Variants in CNTNAP2 observed in about 807,000 individuals in gnomAD.
CNTNAP2 encodes the protein contactin-associated protein-like 2.
CNTNAP2 carries 98 observed loss-of-function variants against 155.2 expected under a neutral mutation model. The ratio of observed to expected loss-of-function variants is 0.63; its 90% confidence interval spans 0.54 to 0.75. The LOEUF is 0.75. Ranked by LOEUF, CNTNAP2 falls within the 30% of genes least tolerant of loss-of-function variation. CNTNAP2 has a pLI of 0.00. For missense variants in CNTNAP2, 1,727 were observed against 1,688.1 expected (o/e 1.02, Z -0.40); for synonymous variants, 651 against 631.2 (o/e 1.03, Z -0.47).
At chr7:147,254,234 G>C (rs1489141340) in intron 8 of CNTNAP2, among the ~76,000 whole-genome samples, 1 of 152,104 alleles carries the variant, frequency 6.6e-6, no homozygotes, top group Admixed American at 6.5e-5. Flanking sequence ...ATCACCAGAA[G>C]GTCATTCTTG....
intron 8 of CNTNAP2, among the ~76,000 whole-genome samples, chr7:147,210,483 A>G (rs960024997): frequency 6.6e-6 from 1 of 151,704 alleles, no homozygotes; most frequent in Admixed American, 6.6e-5. Flanking sequence ...ATCTTCTCTC[A>G]GATTTTCATT....
At chr7:147,469,033 G>T (rs2116604003) in intron 10 of CNTNAP2, among the ~76,000 whole-genome samples, 1 of 152,208 alleles carries the variant, frequency 6.6e-6, no homozygotes, top group Middle Eastern at 3.4e-3. Flanking sequence ...ATGTTGGACA[G>T]ATTGGTCTTG....
At chr7:147,725,877 A>G (rs1335502325) in intron 13 of CNTNAP2, among the ~76,000 whole-genome samples, 1 of 152,006 alleles carries the variant, frequency 6.6e-6, no homozygotes, top group Non-Finnish European at 1.5e-5. Context: ...AGGAACTAGG[A>G]GGAGGTGGCT....
intron 1 of CNTNAP2, among the ~76,000 whole-genome samples, chr7:146,402,515 A>G (rs1222097933): frequency 3.3e-5 from 5 of 152,268 alleles, no homozygotes; most frequent in African/African-American, 1.2e-4. Context: ...AGACGAACTT[A>G]TGTTACAAAA....
chr7:146,773,853 G>T (rs1802340418), intron 1 of CNTNAP2, among the ~76,000 whole-genome samples: 1 of 152,138 alleles, frequency 6.6e-6, no homozygotes, highest in East Asian at 1.9e-4. Context: ...CCATTTCTTG[G>T]TCTTTTGGCT....
At chr7:146,259,627 T>C (rs1799890458) in intron 1 of CNTNAP2, among the ~76,000 whole-genome samples, 1 of 152,154 alleles carries the variant, frequency 6.6e-6, no homozygotes, top group Non-Finnish European at 1.5e-5. Flanking sequence ...TTAGGGTATC[T>C]GGTGGAAGAA....
intron 1 of CNTNAP2, among the ~76,000 whole-genome samples, chr7:146,425,163 T>A (rs188619543): frequency 2.0e-5 from 3 of 152,322 alleles, no homozygotes; most frequent in South Asian, 4.1e-4. Flanking sequence ...ATGATGTTTT[T>A]AATTTACCTT....
At chr7:147,304,523 A>G (rs1794993823) in intron 9 of CNTNAP2, among the ~76,000 whole-genome samples, 1 of 152,146 alleles carries the variant, frequency 6.6e-6, no homozygotes, top group Admixed American at 6.5e-5. Context: ...TTATCATTAA[A>G]AGAAAAAGGA....
chr7:147,177,065 A>G (rs1052962885), intron 8 of CNTNAP2, among the ~76,000 whole-genome samples: 2 of 147,240 alleles, frequency 1.4e-5, no homozygotes, highest in Non-Finnish European at 3.0e-5. Context: ...TGTATAATAC[A>G]TACACACGTA....
chr7:147,919,459 C>CTTTT (rs796710849), intron 14 of CNTNAP2, among the ~76,000 whole-genome samples: 1 of 51,240 alleles, frequency 2.0e-5, no homozygotes, highest in Non-Finnish European at 3.3e-5. Context: ...CTTTTTCTTT[C>CTTTT]TTTTTTTTTT....
intron 3 of CNTNAP2, among the ~76,000 whole-genome samples, chr7:146,906,814 C>T (rs1468379364): frequency 3.3e-5 from 5 of 151,196 alleles, no homozygotes; most frequent in East Asian, 3.9e-4. Context: ...ATGACTTTGA[C>T]GAGCTGAGAG....
At chr7:147,205,879 C>T (rs565400125) in intron 8 of CNTNAP2, among the ~76,000 whole-genome samples, 30 of 151,936 alleles carry the variant, frequency 2.0e-4, no homozygotes, top group African/African-American at 6.0e-4. Flanking sequence ...TTTCAAAGTA[C>T]CTAAAAGAGT....
chr7:147,300,995 A>G (rs1338421912), intron 9 of CNTNAP2, among the ~76,000 whole-genome samples: 1 of 152,124 alleles, frequency 6.6e-6, no homozygotes, highest in African/African-American at 2.4e-5. Flanking sequence ...ATATAATCCA[A>G]TTTAGCAGTG....
intron 1 of CNTNAP2, among the ~76,000 whole-genome samples, chr7:146,319,185 T>A (rs1440179772): frequency 1.3e-5 from 2 of 152,142 alleles, no homozygotes; most frequent in Non-Finnish European, 2.9e-5. Context: ...TTTACTGTGC[T>A]TAGGATTTTA....
At chr7:146,903,186 T>C (rs890618553) in intron 3 of CNTNAP2, among the ~76,000 whole-genome samples, 1 of 152,218 alleles carries the variant, frequency 6.6e-6, no homozygotes, top group East Asian at 1.9e-4. Context: ...ACACTGGCCA[T>C]GCACAGTGCG....
At chr7:148,413,404 ATATAT>A (rs1307859101) in intron 23 of CNTNAP2, among the ~76,000 whole-genome samples, 1,623 of 24,548 alleles carry the variant, frequency 0.066, 291 homozygotes, top group African/African-American at 0.1. Context: ...AAAAAAAAAT[ATATAT>A]ATATATATAT....
At chr7:148,172,520 T>G in intron 18 of CNTNAP2, 42 bp downstream of exon 18, 2 of 1,517,084 alleles carry the variant, frequency 1.3e-6, no homozygotes, top group Non-Finnish European at 1.8e-6. Flanking sequence ...TGCGTGTCTT[T>G]TTAAGCCCAA....
At chr7:147,872,964 A>G (rs1162867922) in intron 13 of CNTNAP2, among the ~76,000 whole-genome samples, 5 of 152,246 alleles carry the variant, frequency 3.3e-5, no homozygotes, top group African/African-American at 2.4e-5. Flanking sequence ...ATACCATTCA[A>G]TACATGTGCT....
At chr7:147,432,768 C>T (rs1162060445) in intron 10 of CNTNAP2, among the ~76,000 whole-genome samples, 5 of 152,152 alleles carry the variant, frequency 3.3e-5, no homozygotes, top group Admixed American at 3.3e-4. Context: ...TTCACTTAAC[C>T]CCCCTTCATC....
Sources: gnomAD v4.1 joint callset for allele counts (sites outside exome capture counted in the v4.1 genomes callset) on GRCh38, gnomAD v4.1.1 for gene constraint, MANE v1.5 for transcripts, NCBI Gene and HGNC (gene_info 2026-07-23, HGNC 2026-07-21) for gene names.